The following ZNF649 variants were observed in gnomAD, a reference collection of about 807,000 sequenced individuals.
ZNF649 encodes zinc finger protein 649.
In ZNF649, 7 loss-of-function variants were observed where a neutral mutation model predicts 14.1. The observed-to-expected ratio is 0.49, with a 90% CI of 0.28 to 0.93. ZNF649 has a LOEUF of 0.93. ZNF649 is among the 40% of genes least tolerant of loss of function. The pLI, the probability that ZNF649 is intolerant of heterozygous loss-of-function variation, is 0.10. For synonymous variants in ZNF649, 227 were observed against 212.3 expected, an observed-to-expected ratio of 1.07 and a Z score of -0.60; for missense variants, 544 against 608.1, an observed-to-expected ratio of 0.89 and a Z score of 1.11.
Position 51,900,271 on chromosome 19 carries a change from C to G in ZNF649, c.-164G>C, listed in dbSNP as rs1178626272. The G allele has an allele frequency of 7.9e-6, 4 of 503,246 alleles. No individual in the cohort carries two copies. The East Asian group carries it at 9.8e-5, about 12-fold the overall frequency. 31.2% of individuals were successfully genotyped at this position (503,246 alleles called of 1,614,324 possible). ...ACCTCCTCCTTCCTTCATTTGAACTCTCTTGCTTCTGGGGAGCCAGGACCT... is the reference window on the plus strand; with the variant it reads ...ACCTCCTCCTTCCTTCATTTGAACTGTCTTGCTTCTGGGGAGCCAGGACCT... On this transcript the variant is annotated 5_prime_UTR_variant, in exon 2 of 5. Transcript: ENST00000354957.
chr19:51,904,479 G>A (rs1229634172), intron 1 of ZNF649, among the ~76,000 whole-genome samples: 1 of 151,994 alleles, frequency 6.6e-6, no homozygotes, highest in Non-Finnish European at 1.5e-5. Flanking sequence ...ACAAGCCTCT[G>A]AGCCCCACAT....
In ZNF649 at chr19:51,890,449, A is replaced by T. The variant is rs2085011362; in HGVS notation, c.*169T>A. 1.8e-6 allele frequency: 1 copy of T among 557,488 alleles called. No homozygotes were observed. Among genetic ancestry groups the T allele is most frequent in the South Asian group, 2.6e-5 (1 of 37,866 alleles). The allele number at this position is 557,488 out of a possible 1,614,324, so 34.5% of individuals were successfully genotyped here. A position where few individuals can be genotyped will look rare whatever the true frequency, so the allele number is the denominator to read the frequency against. On this transcript the variant is annotated 3_prime_UTR_variant, in exon 5 of 5. Transcript: ENST00000354957. Reference sequence around the variant, plus strand: ...TCTATGATCAAGATAGTAAATGAAAAACAATATTGTGGGAGGGGTAGTGAG... The same window carrying T: ...TCTATGATCAAGATAGTAAATGAAATACAATATTGTGGGAGGGGTAGTGAG...
chr19:51,895,602 A>C (rs1176963432), intron 4 of ZNF649, among the ~76,000 whole-genome samples: 1 of 151,998 alleles, frequency 6.6e-6, no homozygotes, highest in African/African-American at 2.4e-5. Flanking sequence ...TCAGCCTCCC[A>C]AAGTGCTGGG....
intron 4 of ZNF649, among the ~76,000 whole-genome samples, chr19:51,892,412 C>T (rs2085030144): frequency 6.6e-6 from 1 of 151,906 alleles, no homozygotes; most frequent in South Asian, 2.1e-4. Context: ...GGCACAGTGG[C>T]TCATGCCTGT....
intron 4 of ZNF649, among the ~76,000 whole-genome samples, chr19:51,894,858 C>G (rs537029287): frequency 2.0e-5 from 3 of 152,048 alleles, no homozygotes; most frequent in Admixed American, 2.0e-4. Flanking sequence ...CATGTAAAGA[C>G]ACGCCCAGGC....
intron 4 of ZNF649, among the ~76,000 whole-genome samples, chr19:51,894,395 A>G (rs2085045970): frequency 1.3e-5 from 2 of 152,128 alleles, no homozygotes; most frequent in African/African-American, 4.8e-5. Context: ...CGGCCTCCCA[A>G]AGTGCTGGGA....
At chr19:51,902,999 G>A (rs560588839) in intron 1 of ZNF649, among the ~76,000 whole-genome samples, 24 of 152,252 alleles carry the variant, frequency 1.6e-4, no homozygotes, top group African/African-American at 5.8e-4. Flanking sequence ...CCAGCTGCAA[G>A]CACCAAAGGT....
chr19:51,891,967 G>A lies in ZNF649; in HGVS notation c.239-70C>T, dbSNP rs947379553. On this transcript the variant is annotated intron_variant, in intron 4 of 4. Transcript: ENST00000354957. This position sits in a 1 kb window ranked among gnomAD's most constrained non-coding sequence, Gnocchi z 4.2. ...TAAAACTGCTTCAAAGATGCCTTGG[G>A]GTTGGCTGGCTTTTTACTGGAACCC... 21 of 1,482,212 alleles carry A rather than the reference G, an allele frequency of 1.4e-5. No individual in the cohort carries two copies. The highest frequency in any genetic ancestry group is 1.7e-5 in the Non-Finnish European group (19 of 1,121,048). The allele number at this position is 1,482,212 out of a possible 1,614,324, so 91.8% of individuals were successfully genotyped here. A position where few individuals can be genotyped will look rare whatever the true frequency, so the allele number is the denominator to read the frequency against.
chr19:51,904,761 C>G (rs2085113898), intron 1 of ZNF649, among the ~76,000 whole-genome samples, 153 bp downstream of exon 1: 1 of 152,072 alleles, frequency 6.6e-6, no homozygotes, highest in South Asian at 2.1e-4. Flanking sequence ...CTCGACAGAC[C>G]TTTAACGCCC....
chr19:51,901,897 GTT>G (rs1193600287), intron 1 of ZNF649, among the ~76,000 whole-genome samples: 1 of 142,396 alleles, frequency 7.0e-6, no homozygotes, highest in Non-Finnish European at 1.5e-5. Context: ...ACTGCAGTGA[GTT>G]AGGATGGTGC....
At chr19:51,896,639 G>A in intron 3 of ZNF649, 72 bp from the exon 4 acceptor site, 1 of 1,553,358 alleles carries the variant, frequency 6.4e-7, no homozygotes. Context: ...TAGGAGAAAG[G>A]TACATGTTAG....
chr19:51,901,785 A>G (rs992248607), intron 1 of ZNF649, among the ~76,000 whole-genome samples: 1 of 152,066 alleles, frequency 6.6e-6, no homozygotes, highest in African/African-American at 2.4e-5. Flanking sequence ...TCTATAAAAC[A>G]TACAAAAATT....
intron 4 of ZNF649, among the ~76,000 whole-genome samples, chr19:51,892,695 C>G (rs2085032388): frequency 6.6e-6 from 1 of 152,156 alleles, no homozygotes. Context: ...TGTAGACCAT[C>G]ATCACGCTAA....
intron 4 of ZNF649, among the ~76,000 whole-genome samples, chr19:51,892,103 C>T (rs962636311): frequency 2.6e-5 from 4 of 152,106 alleles, no homozygotes; most frequent in Admixed American, 6.5e-5. Context: ...CAGCTGGGTG[C>T]GGTGGCTTAT....
chr19:51,896,829 T>G, intron 3 of ZNF649, 23 bp downstream of exon 3: 1 of 1,613,936 alleles, frequency 6.2e-7, no homozygotes, highest in Admixed American at 1.7e-5. Context: ...ACCCTCTGAG[T>G]GACACAGGGC....
chr19:51,904,521 T>C (rs1363668075), intron 1 of ZNF649, among the ~76,000 whole-genome samples: 2 of 151,620 alleles, frequency 1.3e-5, no homozygotes, highest in Non-Finnish European at 2.9e-5. Flanking sequence ...TTAACACACA[T>C]CCCCGATTCA....
Position 51,890,679 on chromosome 19 carries a change from T to C in ZNF649, c.1457A>G (p.Asn486Ser). ...TGCCACCATTGCCACAGTTACCATA[T>C]TAACAGGGCTTTTCCCCTGCACATG... is the stretch of plus-strand genomic sequence containing the variant. ...SEHVQGKSPV[N>S]MVTVAMVAGQ... Residue 486 changes from asparagine (N) to serine (S), a missense_variant, in exon 5 of 5, where the codon AAT becomes AGT. Transcript: ENST00000354957. 1 of 1,614,200 alleles carries C rather than the reference T, an allele frequency of 6.2e-7. No homozygotes were observed. The highest frequency in any genetic ancestry group is 8.5e-7 in the Non-Finnish European group (1 of 1,180,028).
At position 51,898,862 on chromosome 19, in the gene ZNF649, G is replaced by A. The variant is rs537926932; in HGVS notation, c.15+1231C>T. ...CAGAAGGTGGAGGATGCAGTGAGCC[G>A]AGGTTGCACCACTGCACTCCAGCCT... On this transcript the variant is annotated intron_variant, in intron 2 of 4. Coordinates refer to ENST00000354957, the MANE Select transcript of ZNF649 (RefSeq NM_023074.4). 7.9e-5 allele frequency among the ~76,000 whole-genome samples: 12 copies of A among 151,902 alleles called. No individual in the cohort carries two copies. In the East Asian group the frequency reaches 1.4e-3, roughly 17 times the overall value.
At position 51,891,553 on chromosome 19, in the gene ZNF649, C is replaced by G; in HGVS notation, c.583G>C (p.Glu195Gln). 6.2e-7 allele frequency: 1 copy of G among 1,614,230 alleles called. No homozygotes were observed. Residue 195 changes from glutamate to glutamine, a missense_variant, in exon 5 of 5, where the codon GAG (glutamate) becomes CAG (glutamine). By Grantham distance (29) the Glu-to-Gln change is conservative. Coordinates refer to ENST00000354957, the MANE Select transcript of ZNF649 (RefSeq NM_023074.4). This position sits in a 1 kb window ranked among gnomAD's most constrained non-coding sequence, Gnocchi z 4.2. ...TTTCCTGTATGAATTCTCTTATGCT[C>G]AGTGAGCTGAGACTTCTTGAGGAAA... is the stretch of plus-strand genomic sequence containing the variant. ...KAFLKKSQLT[E>Q]HKRIHTGKKP... is the part of the protein sequence containing the mutation.
Sources: gnomAD v4.1 joint callset for allele counts (sites outside exome capture counted in the v4.1 genomes callset) on GRCh38, gnomAD v4.1.1 for gene constraint, Gnocchi (gnomAD v3.1) non-coding constraint, MANE v1.5 for transcripts, NCBI Gene and HGNC (gene_info 2026-07-23, HGNC 2026-07-21) for gene names.